The following PTK7 variants were observed in gnomAD, a reference collection of about 807,000 sequenced individuals.
The protein encoded by PTK7 is protein tyrosine kinase 7 (inactive), also known as inactive tyrosine-protein kinase 7.
In PTK7, 39 loss-of-function variants were observed where a neutral mutation model predicts 116.6. That is an observed-to-expected ratio of 0.33 (90% CI 0.26 to 0.44). PTK7 has a LOEUF of 0.44. Among genes scored for constraint, PTK7 ranks in the 20% least tolerant of loss-of-function variants. PTK7 has a pLI of 1.00. For synonymous variants in PTK7, 546 were observed against 563.6 expected (o/e 0.97, Z 0.44); for missense variants, 1,169 against 1,425.6 (o/e 0.82, Z 2.90).
At chr6:43,150,486 A>T (rs1186438367) in intron 17 of PTK7, among the ~76,000 whole-genome samples, 1 of 152,196 alleles carries the variant, frequency 6.6e-6, no homozygotes, top group Non-Finnish European at 1.5e-5. Flanking sequence ...GTCAGTTACC[A>T]TGCCAAGTCC....
rs1770652920 is a variant in PTK7, at chr6:43,145,136, C to G, written c.2408-64C>G. 1 of 1,462,040 alleles carries G rather than the reference C, an allele frequency of 6.8e-7. No individual in the cohort carries two copies. The highest frequency in any genetic ancestry group is 2.1e-5 in the Admixed American group (1 of 48,438). The allele number at this position is 1,462,040 out of a possible 1,614,324, so 90.6% of individuals were successfully genotyped here. A position where few individuals can be genotyped will look rare whatever the true frequency, so the allele number is the denominator to read the frequency against. On this transcript the variant is annotated intron_variant, in intron 15 of 19. Transcript: ENST00000230419. This position sits in a 1 kb window ranked among gnomAD's most constrained non-coding sequence, Gnocchi z 4.8. ...CACTGTGGGAGAGGCTAGGCCCCTC[C>G]CCCAGGTCAGGAGCTGCCTCGGCCT...
At chr6:43,092,112 C>T (rs572590183) in intron 1 of PTK7, among the ~76,000 whole-genome samples, 5 of 152,196 alleles carry the variant, frequency 3.3e-5, no homozygotes, top group Non-Finnish European at 5.9e-5. Context: ...CCACCCACCT[C>T]GGCCTCCCAA....
In PTK7 at chr6:43,129,129, C is replaced by T; in HGVS notation, c.232C>T (p.Arg78Cys). Residue 78 changes from arginine (R) to cysteine (C), a missense_variant, in exon 2 of 20, where the codon CGT becomes TGT. By Grantham distance (180) the Arg-to-Cys change is radical (BLOSUM62 -3). Coordinates refer to ENST00000230419, the MANE Select transcript of PTK7 (RefSeq NM_002821.5). This position sits in a 1 kb window ranked among gnomAD's most constrained non-coding sequence, Gnocchi z 4.5. Reference protein sequence around the residue: ...DGAPVQDTERRFAQGSSLSFA... With the variant: ...DGAPVQDTERCFAQGSSLSFA... ...GGCCCCTGTCCAGGACACGGAGCGGCGTTTCGCCCAGGGCAGCAGCCTGAG... is the reference window on the plus strand; with the variant it reads ...GGCCCCTGTCCAGGACACGGAGCGGTGTTTCGCCCAGGGCAGCAGCCTGAG... The T allele has an allele frequency of 6.2e-7, 1 of 1,614,166 alleles. No homozygotes were observed. Among genetic ancestry groups the T allele is most frequent in the Non-Finnish European group, 8.5e-7 (1 of 1,180,030 alleles).
chr6:43,158,801 C>T lies in PTK7; in HGVS notation c.2722-16C>T. On this transcript the variant is annotated splice_polypyrimidine_tract_variant and intron_variant, in intron 17 of 19. Coordinates refer to ENST00000230419, the MANE Select transcript of PTK7 (RefSeq NM_002821.5). ...CTATTCCTGGGCTGCTCTAACAGGC[C>T]CCTTTATCTCTCCAGGTGGCCCTAT... 1.9e-6 allele frequency: 3 copies of T among 1,612,506 alleles called. No homozygotes were observed. Among genetic ancestry groups the T allele is most frequent in the Non-Finnish European group, 2.5e-6 (3 of 1,179,242 alleles).
At chr6:43,135,162 T>TG (rs944638207) in intron 7 of PTK7, among the ~76,000 whole-genome samples, 274 of 152,174 alleles carry the variant, frequency 1.8e-3, no homozygotes, top group African/African-American at 6.1e-3. Context: ...AGGCTGACAC[T>TG]GAGCCATGCC....
At chr6:43,131,524 G>A (rs375267199) in intron 5 of PTK7, among the ~76,000 whole-genome samples, 7 of 152,092 alleles carry the variant, frequency 4.6e-5, no homozygotes, top group African/African-American at 1.7e-4. Context: ...ACCAAGTCAC[G>A]TCTTACATGG....
chr6:43,142,602 T>C, intron 13 of PTK7: 1 of 466,234 alleles, frequency 2.1e-6, no homozygotes, highest in Non-Finnish European at 4.1e-6. Context: ...TCTGGGTGGC[T>C]GGGGAGGAGG....
chr6:43,095,261 A>G (rs1302354081), intron 1 of PTK7, among the ~76,000 whole-genome samples: 1 of 150,528 alleles, frequency 6.6e-6, no homozygotes, highest in African/African-American at 2.4e-5. Context: ...AATCCCAGCT[A>G]CTTGAGAGGC....
intron 1 of PTK7, among the ~76,000 whole-genome samples, chr6:43,089,181 T>C (rs1209018419): frequency 6.6e-6 from 1 of 152,168 alleles, no homozygotes; most frequent in Non-Finnish European, 1.5e-5. Flanking sequence ...ATGCCACTTT[T>C]CTTGTGCCAG....
At chr6:43,130,101 C>A (rs761307934) in intron 3 of PTK7, 129 bp from the exon 4 acceptor site, 149 of 1,015,850 alleles carry the variant, frequency 1.5e-4, no homozygotes, top group Non-Finnish European at 1.9e-4. Flanking sequence ...TTTGCAAGTC[C>A]CTTCCCTTCC....
chr6:43,096,862 T>C (rs1420303447), intron 1 of PTK7, among the ~76,000 whole-genome samples: 2 of 135,062 alleles, frequency 1.5e-5, no homozygotes, highest in African/African-American at 2.9e-5. Context: ...TTGCATTCAT[T>C]AAAAGTAGTG....
At chr6:43,146,454 G>C (rs1036609678) in intron 16 of PTK7, among the ~76,000 whole-genome samples, 164 bp from the exon 17 acceptor site, 6 of 108,860 alleles carry the variant, frequency 5.5e-5, no homozygotes, top group South Asian at 3.3e-4. Flanking sequence ...TATTTTTAAA[G>C]TTCTGCACTC....
At chr6:43,104,449 C>T (rs1421200400) in intron 1 of PTK7, among the ~76,000 whole-genome samples, 2 of 152,164 alleles carry the variant, frequency 1.3e-5, no homozygotes, top group East Asian at 1.9e-4. Context: ...CTTGCTCTGT[C>T]GCCCAGGCTG....
chr6:43,122,675 C>T lies in PTK7; in HGVS notation c.80-6302C>T, dbSNP rs1302668121. Among the ~76,000 whole-genome samples, 6 of 148,538 alleles carry T rather than the reference C, an allele frequency of 4.0e-5. No individual in the cohort carries two copies. In the East Asian group the frequency reaches 5.9e-4, roughly 15 times the overall value. On this transcript the variant is annotated intron_variant, in intron 1 of 19. Coordinates refer to ENST00000230419, the MANE Select transcript of PTK7 (RefSeq NM_002821.5). ...AGGCTGGAGTGCAGTGGCATGATCT[C>T]GGCTCACTGCAACCTCTGTCTCCCT...
chr6:43,118,641 CTCTCTCTCTCTCTCTCTCTATATA>C (rs1328807863), intron 1 of PTK7, among the ~76,000 whole-genome samples: 2 of 83,346 alleles, frequency 2.4e-5, no homozygotes, highest in East Asian at 6.1e-4. Context: ...CTCTCTCTCT[CTCTCTCTCTCTCTCTCTCTATATA>C]TATATATATA....
At chr6:43,110,606 G>T (rs1582112338) in intron 1 of PTK7, among the ~76,000 whole-genome samples, 1 of 151,192 alleles carries the variant, frequency 6.6e-6, no homozygotes, top group African/African-American at 2.4e-5. Context: ...TAGAGACAGG[G>T]TTTCACCATG....
Position 43,142,283 on chromosome 6 carries a change from C to T in PTK7, c.2031C>T (p.Ala677=). The T allele has an allele frequency of 3.7e-6, 6 of 1,614,148 alleles. No individual in the cohort carries two copies. The Admixed American group carries it at 6.7e-5, about 18-fold the overall frequency. Residue 677 remains alanine (A), a synonymous_variant, in exon 13 of 20, where the codon GCC becomes GCT. Coordinates refer to ENST00000230419, the MANE Select transcript of PTK7 (RefSeq NM_002821.5). ...GCTGCAACATCAAGCACACGGAGGCCCCCCTCTATGTCGTGGGTATGGGCT... is the reference window on the plus strand; with the variant it reads ...GCTGCAACATCAAGCACACGGAGGCTCCCCTCTATGTCGTGGGTATGGGCT... ...GNSCNIKHTE[A]PLYVVDKPVP...
chr6:43,086,156 AGGGAGT>A (rs1316581768), intron 1 of PTK7, among the ~76,000 whole-genome samples: 2 of 152,106 alleles, frequency 1.3e-5, no homozygotes, highest in African/African-American at 4.8e-5. Flanking sequence ...TGAGGTTCTC[AGGGAGT>A]GGGTAGTGAA....
intron 18 of PTK7, chr6:43,159,573 G>T (rs1771713047): frequency 1.7e-6 from 1 of 587,006 alleles, no homozygotes; most frequent in South Asian, 2.0e-5. Flanking sequence ...GATTCTTAAT[G>T]GAAATTTTTT....
Sources: allele counts gnomAD v4.1 joint callset (sites outside exome capture counted in the v4.1 genomes callset), GRCh38; gene constraint gnomAD v4.1.1; non-coding constraint Gnocchi (gnomAD v3.1); transcripts MANE v1.5; gene names NCBI Gene and HGNC (gene_info 2026-07-23, HGNC 2026-07-21).